Variants in ST6GAL2 observed in about 807,000 individuals in gnomAD.
ST6GAL2 encodes the protein ST6 beta-galactoside alpha-2,6-sialyltransferase 2.
Under a neutral mutation model 37.5 loss-of-function variants are expected in ST6GAL2, and 24 were observed. The observed-to-expected ratio is 0.64, with a 90% CI of 0.46 to 0.90. The LOEUF (loss-of-function observed/expected upper bound fraction) is 0.90, where lower values mean the gene tolerates loss of function less well. Ranked by LOEUF, ST6GAL2 falls within the 40% of genes least tolerant of loss-of-function variation. ST6GAL2 has a pLI of 0.00. For missense variants in ST6GAL2, 715 were observed against 712.7 expected (o/e 1.00, Z -0.04); for synonymous variants, 306 against 295.1 (o/e 1.04, Z -0.38).
At chr2:106,881,442 C>T (rs927226771) in intron 1 of ST6GAL2, among the ~76,000 whole-genome samples, 6 of 152,120 alleles carry the variant, frequency 3.9e-5, no homozygotes, top group Non-Finnish European at 7.4e-5. Flanking sequence ...AAAACAAATC[C>T]CATATTAACT....
At chr2:106,820,460 C>A (rs13023570) in intron 5 of ST6GAL2, among the ~76,000 whole-genome samples, 18,392 of 151,984 alleles carry the variant, frequency 0.12, 1,641 homozygotes, top group East Asian at 0.49. Flanking sequence ...GGACCCAACA[C>A]TGGAGAACTC....
chr2:106,843,590 C>T lies in ST6GAL2; in HGVS notation c.388G>A (p.Asp130Asn), dbSNP rs1677014244. 1.2e-6 allele frequency: 2 copies of T among 1,613,868 alleles called. No homozygotes were observed. The highest frequency in any genetic ancestry group is 2.2e-5 in the South Asian group (2 of 91,070). Reference sequence around the variant, plus strand: ...GGCTGACCAGCAGCAAAAAAGTAGTCGTCATCCTCCGGGTAGAAAGCACTT... The same window carrying T: ...GGCTGACCAGCAGCAAAAAAGTAGTTGTCATCCTCCGGGTAGAAAGCACTT... ...SQSAFYPEDD[D>N]YFFAAGQPGW... The change falls in exon 2 of 6, where the codon GAC becomes AAC. Residue 130 changes from aspartate to asparagine, a missense_variant. Physicochemically the swap from Asp to Asn is conservative, Grantham distance 23. Transcript: ENST00000409382.
chr2:106,874,679 T>G (rs1678427351), intron 1 of ST6GAL2, among the ~76,000 whole-genome samples: 1 of 152,198 alleles, frequency 6.6e-6, no homozygotes, highest in Admixed American at 6.5e-5. Context: ...AATTTTTTTC[T>G]TAAAGAGTAT....
chr2:106,866,734 CTG>C (rs1678041797), intron 1 of ST6GAL2, among the ~76,000 whole-genome samples: 1 of 152,172 alleles, frequency 6.6e-6, no homozygotes, highest in Non-Finnish European at 1.5e-5. Flanking sequence ...AAGGAAATCC[CTG>C]CCTTATTCAT....
At chr2:106,820,399 T>C (rs1170949374) in intron 5 of ST6GAL2, among the ~76,000 whole-genome samples, 2 of 152,056 alleles carry the variant, frequency 1.3e-5, no homozygotes, top group Admixed American at 6.6e-5. Context: ...CATTATATAA[T>C]GATAAAGGGG....
intron 1 of ST6GAL2, among the ~76,000 whole-genome samples, chr2:106,875,971 CTT>C (rs1358667286): frequency 6.6e-6 from 1 of 152,060 alleles, no homozygotes; most frequent in Non-Finnish European, 1.5e-5. Flanking sequence ...TAGTAGATTT[CTT>C]TTTTTGTAAA....
rs1675341715 is a variant in ST6GAL2 at position 106,804,136 on chromosome 2, A to G, written c.*2542T>C. The G allele has an allele frequency of 6.6e-6, 1 of 152,188 alleles. No individual in the cohort carries two copies. The highest frequency in any genetic ancestry group is 1.5e-5 in the Non-Finnish European group (1 of 68,040). 9.4% of individuals were successfully genotyped at this position (152,188 alleles called of 1,614,324 possible). On this transcript the variant is annotated 3_prime_UTR_variant, in exon 6 of 6. Coordinates refer to ENST00000409382, the MANE Select transcript of ST6GAL2 (RefSeq NM_001142351.2). ...CATAATAAATGCAAAAATTGTAACTAAATTTCCTTTGTACTCTTCAGTCTT... is the reference window on the plus strand; with the variant it reads ...CATAATAAATGCAAAAATTGTAACTGAATTTCCTTTGTACTCTTCAGTCTT...
Position 106,839,328 on chromosome 2 carries a change from C to T in ST6GAL2, c.943+3707G>A, listed in dbSNP as rs11904056. The stretch of plus-strand genomic sequence containing the variant: ...TCTCCCTGGAGCAGTCTTTACCAAT[C>T]TCTTCTCTCTACCAGCCCTCAGGGG... On this transcript the variant is annotated intron_variant, in intron 2 of 5. Coordinates refer to ENST00000409382, the MANE Select transcript of ST6GAL2 (RefSeq NM_001142351.2). Among the ~76,000 whole-genome samples the T allele has an allele frequency of 4.1e-4, 63 of 152,216 alleles. 1 individual carries two copies. The highest frequency in any genetic ancestry group is 1.5e-3 in the African/African-American group (61 of 41,540).
upstream of ST6GAL2, chr2:106,886,767 GC>G (rs895349824): frequency 2.0e-5 from 3 of 152,004 alleles, no homozygotes; most frequent in African/African-American, 4.8e-5. Flanking sequence ...AAGTTGGGCT[GC>G]CCCCTCCCCG....
intron 1 of ST6GAL2, among the ~76,000 whole-genome samples, chr2:106,881,041 A>G (rs1678729860): frequency 6.6e-6 from 1 of 152,138 alleles, no homozygotes; most frequent in Admixed American, 6.5e-5. Flanking sequence ...GCTGGAGTGC[A>G]ACAGAGTGAT....
intron 1 of ST6GAL2, among the ~76,000 whole-genome samples, chr2:106,855,119 C>T (rs2104561797): frequency 6.6e-6 from 1 of 152,216 alleles, no homozygotes; most frequent in South Asian, 2.1e-4. Context: ...TGATACCTTG[C>T]CCCTGGAGAA....
In ST6GAL2 at chr2:106,801,703, A is replaced by T. The variant is rs1675268273; in HGVS notation, c.*4975T>A. On this transcript the variant is annotated 3_prime_UTR_variant, in exon 6 of 6. Coordinates refer to ENST00000409382, the MANE Select transcript of ST6GAL2 (RefSeq NM_001142351.2). ...AAATAGAAAATATCCAAGTGTTAAAATGTGTACAAACACTTTTAAAATGCG... is the reference window on the plus strand; with the variant it reads ...AAATAGAAAATATCCAAGTGTTAAATTGTGTACAAACACTTTTAAAATGCG... 1 of 152,274 alleles carries T rather than the reference A, an allele frequency of 6.6e-6. No individual in the cohort carries two copies. Among genetic ancestry groups the T allele is most frequent in the African/African-American group, 2.4e-5 (1 of 41,470 alleles). 9.4% of individuals were successfully genotyped at this position (152,274 alleles called of 1,614,324 possible). A position where few individuals can be genotyped will look rare whatever the true frequency, so the allele number is the denominator to read the frequency against.
intron 2 of ST6GAL2, among the ~76,000 whole-genome samples, chr2:106,836,078 G>A (rs1676623666): frequency 1.5e-5 from 2 of 133,296 alleles, no homozygotes; most frequent in Middle Eastern, 3.7e-3. Flanking sequence ...AAGGTAAAAC[G>A]GAATTTTAAA....
At chr2:106,878,037 C>T (rs916518244) in intron 1 of ST6GAL2, among the ~76,000 whole-genome samples, 2 of 152,230 alleles carry the variant, frequency 1.3e-5, no homozygotes, top group African/African-American at 2.4e-5. Context: ...CAGTAATTCC[C>T]AAACCAAATC....
intron 5 of ST6GAL2, among the ~76,000 whole-genome samples, chr2:106,826,752 G>C (rs765526086): frequency 7.9e-5 from 12 of 152,184 alleles, no homozygotes; most frequent in Non-Finnish European, 1.6e-4. Flanking sequence ...AATGGCATGG[G>C]AGACTATAAG....
At chr2:106,847,541 C>T (rs771596929) in intron 1 of ST6GAL2, among the ~76,000 whole-genome samples, 5 of 152,170 alleles carry the variant, frequency 3.3e-5, no homozygotes, top group Non-Finnish European at 7.3e-5. Flanking sequence ...AGACTGCCCT[C>T]GTTTCACATG....
chr2:106,855,997 G>A (rs957489901), intron 1 of ST6GAL2, among the ~76,000 whole-genome samples: 3 of 152,140 alleles, frequency 2.0e-5, no homozygotes, highest in South Asian at 2.1e-4. Flanking sequence ...GTGGAACAAC[G>A]ATTACAATCC....
intron 5 of ST6GAL2, among the ~76,000 whole-genome samples, chr2:106,822,682 A>G (rs571599489): frequency 6.6e-6 from 1 of 152,278 alleles, no homozygotes; most frequent in South Asian, 2.1e-4. Context: ...GACCCATTCA[A>G]TAGAATGACC....
At chr2:106,845,299 T>A (rs1002447085) in intron 1 of ST6GAL2, among the ~76,000 whole-genome samples, 16 of 152,248 alleles carry the variant, frequency 1.1e-4, no homozygotes, top group African/African-American at 3.6e-4. Context: ...GCACATGCTG[T>A]ATAAAAAATA....
Sources: allele counts gnomAD v4.1 joint callset (sites outside exome capture counted in the v4.1 genomes callset), GRCh38; gene constraint gnomAD v4.1.1; transcripts MANE v1.5; gene names NCBI Gene and HGNC (gene_info 2026-07-23, HGNC 2026-07-21).